TP53BP1: variants seen among roughly 807,000 people sequenced by gnomAD.
TP53BP1 encodes the protein TP53-binding protein 1.
In TP53BP1, 61 loss-of-function variants were observed where a neutral mutation model predicts 200.8. That is an observed-to-expected ratio of 0.30 (90% CI 0.25 to 0.38). TP53BP1 has a LOEUF of 0.38. TP53BP1 is among the 10% of genes least tolerant of loss of function. The probability of loss-of-function intolerance (pLI) is 1.00; values close to 1 mark genes in which losing one functional copy is unlikely to be tolerated. For synonymous variants in TP53BP1, 822 were observed against 844.3 expected, an observed-to-expected ratio of 0.97 and a Z score of 0.46; for missense variants, 2,144 against 2,371.9, an observed-to-expected ratio of 0.90 and a Z score of 2.00.
At chr15:43,409,879 T>C in intron 24 of TP53BP1, 138 bp from the exon 25 acceptor site, 1 of 445,746 alleles carries the variant, frequency 2.2e-6, no homozygotes, top group Non-Finnish European at 4.0e-6. Flanking sequence ...GCCAAGGGCT[T>C]CCCCATGGGT....
At chr15:43,444,535 G>A (rs1235625169) in intron 14 of TP53BP1, among the ~76,000 whole-genome samples, 1 of 152,170 alleles carries the variant, frequency 6.6e-6, no homozygotes. Context: ...TTTGGAACCA[G>A]ACTTCCTGGA....
At chr15:43,434,740 C>G (rs1423617397) in intron 16 of TP53BP1, among the ~76,000 whole-genome samples, 2 of 152,184 alleles carry the variant, frequency 1.3e-5, no homozygotes. Flanking sequence ...GAAATAAATT[C>G]TTTTGTTTAT....
rs779209967 is a variant in TP53BP1, at chr15:43,421,827, T to G, written c.4100+28A>C. ...TCAGCAACCCTGCCCCTGCTGTGGC[T>G]CTCTCTCTCTGGAGACCCTGTCTGC... On this transcript the variant is annotated intron_variant, in intron 19 of 27. Transcript: ENST00000382044. 5.0e-6 allele frequency: 8 copies of G among 1,597,564 alleles called. No homozygotes were observed. In the Admixed American group the frequency reaches 1.4e-4, roughly 27 times the overall value.
intron 24 of TP53BP1, among the ~76,000 whole-genome samples, chr15:43,410,947 AAACTC>A (rs540015026): frequency 1.7e-4 from 26 of 152,342 alleles, no homozygotes; most frequent in African/African-American, 6.0e-4. Context: ...TGGTTATAAG[AAACTC>A]AGAATACAGC....
Position 43,404,415 on chromosome 15 carries a change from CTTTAG to C in TP53BP1, c.*2963_*2967del. The C allele has an allele frequency of 6.2e-7, 1 of 1,614,054 alleles. No homozygotes were observed. On this transcript the variant is annotated 3_prime_UTR_variant, in exon 28 of 28. Coordinates refer to ENST00000382044, the MANE Select transcript of TP53BP1 (RefSeq NM_001141980.3). ...CAGCTGAGTCCTTCTCTCTGCAGGG[CTTTAG>C]CCGCCAGTCTTCACTCCTGTTCAAG...
intron 12 of TP53BP1, among the ~76,000 whole-genome samples, chr15:43,452,860 G>C (rs1312928383): frequency 6.6e-6 from 1 of 152,040 alleles, no homozygotes; most frequent in Non-Finnish European, 1.5e-5. Context: ...TAAAATAATA[G>C]AATATCTCAC....
chr15:43,462,208 C>T (rs1448073227), intron 11 of TP53BP1, among the ~76,000 whole-genome samples: 1 of 76,288 alleles, frequency 1.3e-5, no homozygotes, highest in African/African-American at 4.4e-5. Flanking sequence ...GAGAGCGAGA[C>T]TTCATCTCAA....
chr15:43,415,909 C>G, intron 22 of TP53BP1, 100 bp from the exon 23 acceptor site: 1 of 948,638 alleles, frequency 1.1e-6, no homozygotes, highest in Admixed American at 2.3e-5. Flanking sequence ...CACAGTGTTC[C>G]TTCCCCCACT....
rs770349820 is a variant in TP53BP1, at chr15:43,428,131, C to T, written c.3713G>A (p.Gly1238Asp). 1.2e-6 allele frequency: 2 copies of T among 1,613,686 alleles called. No homozygotes were observed. The highest frequency in any genetic ancestry group is 1.7e-6 in the Non-Finnish European group (2 of 1,179,714). ...EEFDMPQPPH[G>D]HVLHRHMRTI... ...TCTCATGTGACGATGTAAGACATGGCCATGTGGAGGCTGAGGCATATCAAA... is the reference window on the plus strand; with the variant it reads ...TCTCATGTGACGATGTAAGACATGGTCATGTGGAGGCTGAGGCATATCAAA... The change falls in exon 18 of 28, where the codon GGC (glycine) becomes GAC (aspartate). Residue 1238 changes from glycine (G) to aspartate (D), a missense_variant. Around this residue, in one of 4 missense-constraint regions of TP53BP1, gnomAD observed 1,700 missense variants for 1,710.3 expected, o/e 0.99. Coordinates refer to ENST00000382044, the MANE Select transcript of TP53BP1 (RefSeq NM_001141980.3).
At chr15:43,445,345 C>T (rs2046017320) in intron 14 of TP53BP1, among the ~76,000 whole-genome samples, 1 of 152,156 alleles carries the variant, frequency 6.6e-6, no homozygotes, top group African/African-American at 2.4e-5. Flanking sequence ...CTGACATGAT[C>T]TTCTTGTAAC....
intron 26 of TP53BP1, chr15:43,408,517 T>C (rs933761137): frequency 1.9e-5 from 5 of 270,136 alleles, no homozygotes; most frequent in Non-Finnish European, 3.6e-5. Context: ...CCCCTTCTCT[T>C]CCTTCTTTCT....
intron 12 of TP53BP1, among the ~76,000 whole-genome samples, chr15:43,455,101 C>A (rs1464261106): frequency 1.3e-5 from 2 of 152,196 alleles, no homozygotes; most frequent in Non-Finnish European, 2.9e-5. Context: ...AGAACTAATA[C>A]ATTTTCCAGT....
chr15:43,422,002 T>C lies in TP53BP1; in HGVS notation c.3953A>G (p.His1318Arg), dbSNP rs1225462981. ...SSFSSKASSL[H>R]RTSSGTSLSA... Reference sequence around the variant, plus strand: ...GAGACTTGTCCCACTTGATGTGCGGTGTAAGCTGGATGCCTTGGAGGAGAA... The same window carrying C: ...GAGACTTGTCCCACTTGATGTGCGGCGTAAGCTGGATGCCTTGGAGGAGAA... Residue 1318 changes from histidine (H) to arginine (R), a missense_variant, in exon 19 of 28, where the codon CAC becomes CGC. By Grantham distance (29) the His-to-Arg change is conservative. This residue lies in a region of TP53BP1 where 1,700 missense variants were observed against 1,710.3 expected (regional missense o/e 0.99). Transcript: ENST00000382044. 14 of 1,614,016 alleles carry C rather than the reference T, an allele frequency of 8.7e-6. No homozygotes were observed. Among genetic ancestry groups the C allele is most frequent in the African/African-American group, 5.3e-5 (4 of 74,898 alleles).
At chr15:43,471,224 T>C (rs1049737807) in intron 10 of TP53BP1, among the ~76,000 whole-genome samples, 1 of 151,576 alleles carries the variant, frequency 6.6e-6, no homozygotes, top group Non-Finnish European at 1.5e-5. Context: ...AATACACTGT[T>C]ACATAAAAAA....
chr15:43,454,008 C>A (rs2046234348), intron 12 of TP53BP1, among the ~76,000 whole-genome samples: 1 of 151,936 alleles, frequency 6.6e-6, no homozygotes, highest in African/African-American at 2.4e-5. Flanking sequence ...AGATTGAAAC[C>A]ATCCTGGCCA....
Position 43,404,771 on chromosome 15 carries a change from A to C in TP53BP1, c.*2612T>G. ...ATACTAAAAAACCTGACAGTGAGAT[A>C]GGTGTTAAGTCCTTTGCTAGGTTAT... is the stretch of plus-strand genomic sequence containing the variant. On this transcript the variant is annotated 3_prime_UTR_variant, in exon 28 of 28. Coordinates refer to ENST00000382044, the MANE Select transcript of TP53BP1 (RefSeq NM_001141980.3). 1 of 572,314 alleles carries C rather than the reference A, an allele frequency of 1.7e-6. No individual in the cohort carries two copies. The highest frequency in any genetic ancestry group is 3.0e-5 in the East Asian group (1 of 32,832). 35.5% of individuals were successfully genotyped at this position (572,314 alleles called of 1,614,324 possible).
intron 12 of TP53BP1, among the ~76,000 whole-genome samples, chr15:43,451,922 G>T (rs1353612078): frequency 2.0e-5 from 3 of 152,114 alleles, no homozygotes; most frequent in African/African-American, 7.2e-5. Flanking sequence ...ATTACTTGAG[G>T]CCAGGACTTC....
chr15:43,480,442 C>T (rs535718051), intron 5 of TP53BP1, among the ~76,000 whole-genome samples: 9 of 151,216 alleles, frequency 6.0e-5, no homozygotes, highest in Non-Finnish European at 7.4e-5. Context: ...AGCAAGACTC[C>T]GTCGCAAAAA....
At position 43,403,834 on chromosome 15, in the gene TP53BP1, A is replaced by C; in HGVS notation, c.*3549T>G. On this transcript the variant is annotated 3_prime_UTR_variant, in exon 28 of 28. Coordinates refer to ENST00000382044, the MANE Select transcript of TP53BP1 (RefSeq NM_001141980.3). ...CCTGGAAGTATGCAGCCTTGCCGAA[A>C]GGACAGAGGTGGTTTTGCCAATGGA... 1 of 1,525,986 alleles carries C rather than the reference A, an allele frequency of 6.6e-7. No homozygotes were observed. 94.5% of individuals were successfully genotyped at this position (1,525,986 alleles called of 1,614,324 possible).
Sources: gnomAD v4.1 joint callset for allele counts (sites outside exome capture counted in the v4.1 genomes callset) on GRCh38, gnomAD v4.1.1 for gene constraint, gnomAD v4.1.1 regional missense constraint, MANE v1.5 for transcripts, NCBI Gene and HGNC (gene_info 2026-07-23, HGNC 2026-07-21) for gene names.